NEURL1: variants seen among roughly 807,000 people sequenced by gnomAD.
The protein encoded by NEURL1 is E3 ubiquitin-protein ligase NEURL1.
In NEURL1, 26 loss-of-function variants were observed where a neutral mutation model predicts 41.2. The ratio of observed to expected loss-of-function variants is 0.63; its 90% CI spans 0.46 to 0.87. NEURL1 has a LOEUF of 0.87. Ranked by LOEUF, NEURL1 falls within the 40% of genes least tolerant of loss-of-function variation. The pLI, the probability that NEURL1 is intolerant of heterozygous loss-of-function variation, is 0.00. For missense variants in NEURL1, 761 were observed against 871.1 expected, an observed-to-expected ratio of 0.87 and a Z score of 1.59; for synonymous variants, 400 against 402.3, an observed-to-expected ratio of 0.99 and a Z score of 0.07.
Position 103,554,353 on chromosome 10 carries a change from T to C in NEURL1, c.86-16519T>C, listed in dbSNP as rs546512155. Among the ~76,000 whole-genome samples the C allele has an allele frequency of 8.5e-5, 13 of 152,328 alleles. No individual in the cohort carries two copies. In the East Asian group the frequency reaches 2.5e-3, roughly 29 times the overall value. On this transcript the variant is annotated intron_variant, in intron 1 of 5. Coordinates refer to ENST00000369780, the MANE Select transcript of NEURL1 (RefSeq NM_004210.5). Reference sequence around the variant, plus strand: ...ATGTGAGTACATGTCTGGTGGTCAGTAGATGGCTGAGTGCGCTCAGTGGTG... The same window carrying C: ...ATGTGAGTACATGTCTGGTGGTCAGCAGATGGCTGAGTGCGCTCAGTGGTG...
At chr10:103,515,227 C>CAAAAA (rs57898870) in intron 1 of NEURL1, 15 of 98,966 alleles carry the variant, frequency 1.5e-4, no homozygotes, top group African/African-American at 2.7e-4. Context: ...GACTCTGTCT[C>CAAAAA]AAAAAAAAAA....
intron 3 of NEURL1, among the ~76,000 whole-genome samples, chr10:103,573,026 A>G (rs888832436): frequency 4.6e-5 from 7 of 151,824 alleles, no homozygotes; most frequent in African/African-American, 1.7e-4. Flanking sequence ...TTCAGAGCCT[A>G]GAAACAGTGA....
intron 1 of NEURL1, among the ~76,000 whole-genome samples, chr10:103,502,475 G>T (rs537411237): frequency 6.6e-6 from 1 of 152,142 alleles, no homozygotes; most frequent in Non-Finnish European, 1.5e-5. Context: ...GAGCGAGAAC[G>T]ATCTTTCTCT....
At chr10:103,555,462 G>A in intron 1 of NEURL1, 2 of 1,322,040 alleles carry the variant, frequency 1.5e-6, no homozygotes, top group Non-Finnish European at 2.0e-6. Flanking sequence ...GCCCGAGACC[G>A]CCTGGGGAGG....
At chr10:103,548,186 GA>G (rs1335914033) in intron 1 of NEURL1, among the ~76,000 whole-genome samples, 2 of 152,226 alleles carry the variant, frequency 1.3e-5, no homozygotes, top group Non-Finnish European at 2.9e-5. Flanking sequence ...CCAGTGCTCT[GA>G]AATGGCATTT....
chr10:103,520,581 G>A (rs957691047), intron 1 of NEURL1, among the ~76,000 whole-genome samples: 1 of 152,186 alleles, frequency 6.6e-6, no homozygotes, highest in African/African-American at 2.4e-5. Flanking sequence ...CAGGCCATCT[G>A]GATGTTTACG....
chr10:103,548,663 C>T (rs944076723), intron 1 of NEURL1, among the ~76,000 whole-genome samples: 39 of 152,334 alleles, frequency 2.6e-4, no homozygotes, highest in African/African-American at 9.4e-4. Context: ...TCCCAAGTCA[C>T]TCTTCTCCAA....
At chr10:103,504,646 A>C (rs2033905914) in intron 1 of NEURL1, among the ~76,000 whole-genome samples, 1 of 152,172 alleles carries the variant, frequency 6.6e-6, no homozygotes. Flanking sequence ...TTTGGAAGGA[A>C]GTCACTGTGT....
intron 1 of NEURL1, among the ~76,000 whole-genome samples, chr10:103,561,259 T>C (rs1021667715): frequency 4.6e-5 from 7 of 151,058 alleles, no homozygotes; most frequent in African/African-American, 1.7e-4. Flanking sequence ...TTCCTCTGTA[T>C]TCCTTTTTTT....
chr10:103,532,597 A>C lies in NEURL1; in HGVS notation c.85+38125A>C, dbSNP rs183554203. 7.9e-5 allele frequency among the ~76,000 whole-genome samples: 12 copies of C among 152,184 alleles called. No homozygotes were observed. In the East Asian group the frequency reaches 2.3e-3, roughly 29 times the overall value. ...CTTTGACTGTATCATCCCATTCTCTACTGGCCTGTAAGGATTCTGTGGAGA... is the reference window on the plus strand; with the variant it reads ...CTTTGACTGTATCATCCCATTCTCTCCTGGCCTGTAAGGATTCTGTGGAGA... On this transcript the variant is annotated intron_variant, in intron 1 of 5. Coordinates refer to ENST00000369780, the MANE Select transcript of NEURL1 (RefSeq NM_004210.5).
chr10:103,500,221 A>G (rs968271739), intron 1 of NEURL1, among the ~76,000 whole-genome samples: 4 of 152,320 alleles, frequency 2.6e-5, no homozygotes, highest in Non-Finnish European at 5.9e-5. Flanking sequence ...TATCATAATA[A>G]TATTTACAAT....
intron 4 of NEURL1, among the ~76,000 whole-genome samples, chr10:103,588,434 A>C (rs576376741): frequency 6.6e-6 from 1 of 152,118 alleles, no homozygotes; most frequent in East Asian, 1.9e-4. Context: ...GTGTGTGTGT[A>C]CTTGAGGGAG....
At chr10:103,568,819 T>C (rs1025763497) in intron 1 of NEURL1, among the ~76,000 whole-genome samples, 1 of 152,100 alleles carries the variant, frequency 6.6e-6, no homozygotes, top group Non-Finnish European at 1.5e-5. Context: ...GTTTTTTGTT[T>C]TTGTTTTTGT....
chr10:103,521,923 AG>A (rs1380155641), intron 1 of NEURL1, among the ~76,000 whole-genome samples: 2 of 128,668 alleles, frequency 1.6e-5, no homozygotes, highest in Non-Finnish European at 3.2e-5. Context: ...GGGTTGAGTC[AG>A]AAAAGAGAGT....
intron 1 of NEURL1, among the ~76,000 whole-genome samples, chr10:103,536,661 G>A (rs141806872): frequency 5.0e-4 from 76 of 152,238 alleles, no homozygotes; most frequent in Middle Eastern, 3.4e-3. Context: ...TTCTCCTCCC[G>A]AGTGTGATAG....
At chr10:103,564,914 G>A (rs995400406) in intron 1 of NEURL1, among the ~76,000 whole-genome samples, 19 of 152,142 alleles carry the variant, frequency 1.2e-4, no homozygotes, top group African/African-American at 4.3e-4. Context: ...CAGGGACACT[G>A]CAGTGGGGTA....
Position 103,590,365 on chromosome 10 carries a change from G to A in NEURL1, c.1718G>A (p.Ser573Asn). The A allele has an allele frequency of 6.2e-7, 1 of 1,613,210 alleles. No individual in the cohort carries two copies. The highest frequency in any genetic ancestry group is 8.5e-7 in the Non-Finnish European group (1 of 1,179,316). The change falls in exon 6 of 6, where the codon AGC becomes AAC. Residue 573 changes from serine (S) to asparagine (N), a missense_variant. By Grantham distance (46) the Ser-to-Asn change is conservative. This residue lies in a region of NEURL1 where 45 missense variants were observed against 89.9 expected (regional missense o/e 0.50). Transcript: ENST00000369780. ...AAGGACATCATCAAGACCTACCGCA[G>A]CTCCTAGCCCGTTGCGGTGGCCCAT... ...PIKDIIKTYR[S>N]S
At chr10:103,497,020 A>C (rs2033701790) in intron 1 of NEURL1, among the ~76,000 whole-genome samples, 1 of 152,170 alleles carries the variant, frequency 6.6e-6, no homozygotes, top group Admixed American at 6.6e-5. Flanking sequence ...TCCCGCCCCT[A>C]CTAAGCCTGA....
At chr10:103,560,724 A>C (rs559438947) in intron 1 of NEURL1, among the ~76,000 whole-genome samples, 1 of 152,266 alleles carries the variant, frequency 6.6e-6, no homozygotes, top group Admixed American at 6.5e-5. Flanking sequence ...CATGCCAGTT[A>C]GCTAGCTGGA....
Sources: allele counts gnomAD v4.1 joint callset (sites outside exome capture counted in the v4.1 genomes callset), GRCh38; gene constraint gnomAD v4.1.1; regional missense constraint gnomAD v4.1.1; transcripts MANE v1.5; gene names NCBI Gene and HGNC (gene_info 2026-07-23, HGNC 2026-07-21).